TSSK3: variants seen among roughly 807,000 people sequenced by gnomAD.
The protein encoded by TSSK3 is testis specific serine kinase 3.
Under a neutral mutation model 18.9 loss-of-function variants are expected in TSSK3, and 16 were observed. The ratio of observed to expected loss-of-function variants is 0.85; its 90% CI spans 0.57 to 1.28. TSSK3 has a LOEUF of 1.28. Among genes scored for constraint, TSSK3 ranks in the 50% most tolerant of loss-of-function variants. TSSK3 has a pLI of 0.00. For missense variants in TSSK3, 345 were observed against 341.0 expected (o/e 1.01, Z -0.09); for synonymous variants, 146 against 133.9 (o/e 1.09, Z -0.62).
chr1:32,363,197 AAAGG>A, intron 1 of TSSK3: 1 of 334,366 alleles, frequency 3.0e-6, no homozygotes, highest in Non-Finnish European at 5.5e-6. Flanking sequence ...GAGATGGGAA[AAAGG>A]AAGACAGGGC....
Position 32,363,916 on chromosome 1 carries a change from A to AG in TSSK3, c.469dup (p.Val157GlyfsTer32), listed in dbSNP as rs1416087826. 6.2e-7 allele frequency: 1 copy of AG among 1,614,216 alleles called. No individual in the cohort carries two copies. The highest frequency in any genetic ancestry group is 2.2e-5 in the East Asian group (1 of 44,874). ...AAGCTGACTGACTTTGGCTTTGCCA[A>AG]GGTGTTGCCCAAGTCACACCGGGAG... On this transcript the variant is annotated frameshift_variant, in exon 2 of 2. Transcript: ENST00000373534. LOFTEE classifies it high-confidence loss of function.
In TSSK3 at chr1:32,363,702, T is replaced by G; in HGVS notation, c.253T>G (p.Cys85Gly). The change falls in exon 2 of 2, where the codon TGC becomes GGC. Residue 85 changes from cysteine (C) to glycine (G), a missense_variant. Coordinates refer to ENST00000373534, the MANE Select transcript of TSSK3 (RefSeq NM_052841.4). The stretch of plus-strand genomic sequence containing the variant: ...GCTGGAGTCTGCCGACGGGAAAATC[T>G]GCCTGGTGATGGAGCTCGCTGAGGG... ...EMLESADGKI[C>G]LVMELAEGGD... 1.2e-6 allele frequency: 2 copies of G among 1,613,608 alleles called. No individual in the cohort carries two copies. Among genetic ancestry groups the G allele is most frequent in the Non-Finnish European group, 1.7e-6 (2 of 1,179,788 alleles).
chr1:32,362,944 C>A, intron 1 of TSSK3, 98 bp downstream of exon 1: 1 of 1,459,020 alleles, frequency 6.9e-7, no homozygotes, highest in Non-Finnish European at 9.5e-7. Flanking sequence ...TCATTCCCTG[C>A]TCCCGCTGGC....
In TSSK3 at chr1:32,364,195, A is replaced by G. The variant is rs764033457; in HGVS notation, c.746A>G (p.Asp249Gly). Residue 249 changes from aspartate to glycine, a missense_variant, in exon 2 of 2, where the codon GAT becomes GGT. Asp to Gly is a moderately conservative substitution (Grantham distance 94, BLOSUM62 -1). Transcript: ENST00000373534. Reference protein sequence around the residue: ...QDLLKRLLEPDMILRPSIEEV... With the variant: ...QDLLKRLLEPGMILRPSIEEV... ...CTGCTCAAGAGGCTCCTGGAACCCGATATGATCCTCCGGCCTTCAATTGAA... is the reference window on the plus strand; with the variant it reads ...CTGCTCAAGAGGCTCCTGGAACCCGGTATGATCCTCCGGCCTTCAATTGAA... The G allele has an allele frequency of 4.3e-6, 7 of 1,612,816 alleles. No individual in the cohort carries two copies. Among genetic ancestry groups the G allele is most frequent in the Non-Finnish European group, 5.1e-6 (6 of 1,179,048 alleles).
chr1:32,363,837 G>A lies in TSSK3; in HGVS notation c.388G>A (p.Val130Met), dbSNP rs1300257718. 3 of 1,614,092 alleles carry A rather than the reference G, an allele frequency of 1.9e-6. No individual in the cohort carries two copies. The highest frequency in any genetic ancestry group is 1.3e-5 in the African/African-American group (1 of 74,942). ...CATCCGCTACTGCCATGGCTGTGGTGTGGCCCACCGGGACCTCAAATGTGA... is the reference window on the plus strand; with the variant it reads ...CATCCGCTACTGCCATGGCTGTGGTATGGCCCACCGGGACCTCAAATGTGA... ...EAIRYCHGCG[V>M]AHRDLKCENA... Residue 130 changes from valine (V) to methionine (M), a missense_variant, in exon 2 of 2, where the codon GTG becomes ATG. Transcript: ENST00000373534.
In TSSK3 at chr1:32,364,242, C is replaced by T. The variant is rs891380895; in HGVS notation, c.793C>T (p.Leu265=). Residue 265 remains leucine, a synonymous_variant, in exon 2 of 2, where the codon CTA becomes TTA. Transcript: ENST00000373534. ...SIEEVSWHPW[L]AST ...TGAAGAAGTTAGTTGGCATCCATGG[C>T]TAGCAAGCACTTGATAAAAGCAATG... The T allele has an allele frequency of 1.3e-6, 2 of 1,595,482 alleles. No individual in the cohort carries two copies. The highest frequency in any genetic ancestry group is 3.4e-5 in the Admixed American group (2 of 59,388).
chr1:32,362,888 T>C (rs758750061), intron 1 of TSSK3, 42 bp downstream of exon 1: 2 of 1,607,610 alleles, frequency 1.2e-6, no homozygotes, highest in South Asian at 2.2e-5. Flanking sequence ...GAGGACTGGC[T>C]GAGGTGGGTG....
Position 32,363,680 on chromosome 1 carries a change from G to A in TSSK3, c.231G>A (p.Leu77=), listed in dbSNP as rs2270537. ...ACATCATCCAGGTGTATGAGATGCT[G>A]GAGTCTGCCGACGGGAAAATCTGCC... ...HKNIIQVYEM[L]ESADGKICLV... The change falls in exon 2 of 2, where the codon CTG becomes CTA. Residue 77 remains leucine (L), a synonymous_variant. Transcript: ENST00000373534. 9,744 of 1,614,208 alleles carry A rather than the reference G, an allele frequency of 6.0e-3. 642 individuals carry two copies. In the East Asian group the frequency reaches 0.16, roughly 27 times the overall value.
Position 32,363,767 on chromosome 1 carries a change from G to A in TSSK3, c.318G>A (p.Leu106=), listed in dbSNP as rs1641756447. 3 of 1,614,238 alleles carry A rather than the reference G, an allele frequency of 1.9e-6. No homozygotes were observed. Among genetic ancestry groups the A allele is most frequent in the Non-Finnish European group, 8.5e-7 (1 of 1,180,036 alleles). Residue 106 remains leucine, a synonymous_variant, in exon 2 of 2, where the codon CTG becomes CTA. Transcript: ENST00000373534. ...ACTGCGTGCTGAATGGGGGGCCACT[G>A]CCTGAAAGCCGGGCCAAGGCCCTCT... ...VFDCVLNGGP[L]PESRAKALFR...
rs2148096542 is a variant in TSSK3 at position 32,362,864 on chromosome 1, TGGAGGGAA to T, written c.145+26_145+33del. On this transcript the variant is annotated intron_variant, in intron 1 of 1. Coordinates refer to ENST00000373534, the MANE Select transcript of TSSK3 (RefSeq NM_052841.4). ...GCCAGAAGGTGAGCCGGGGCCCCTTTGGAGGGAAGGAGGGAGGACTGGCTGAGGTGGGT... is the reference window on the plus strand; with the variant it reads ...GCCAGAAGGTGAGCCGGGGCCCCTTTGGAGGGAGGACTGGCTGAGGTGGGT... 1 of 1,613,608 alleles carries T rather than the reference TGGAGGGAA, an allele frequency of 6.2e-7. No individual in the cohort carries two copies. The highest frequency in any genetic ancestry group is 2.2e-5 in the East Asian group (1 of 44,876).
chr1:32,364,274 G>T lies in TSSK3; in HGVS notation c.*18G>T. The T allele has an allele frequency of 6.4e-7, 1 of 1,570,506 alleles. No homozygotes were observed. On this transcript the variant is annotated 3_prime_UTR_variant, in exon 2 of 2. Transcript: ENST00000373534. ...GCACTTGATAAAAGCAATGGCAAGTGCTCTCCAATAAAGTAGGGGGAGAAA... is the reference window on the plus strand; with the variant it reads ...GCACTTGATAAAAGCAATGGCAAGTTCTCTCCAATAAAGTAGGGGGAGAAA...
At chr1:32,363,362 A>G (rs959800031) in intron 1 of TSSK3, 16 of 554,920 alleles carry the variant, frequency 2.9e-5, no homozygotes, top group African/African-American at 2.6e-4. Context: ...ACTGCTCACA[A>G]CAGTCCACAA....
At chr1:32,363,538 TGAG>T (rs1641749845) in intron 1 of TSSK3, 54 bp from the exon 2 acceptor site, 1 of 1,531,008 alleles carries the variant, frequency 6.5e-7, no homozygotes, top group East Asian at 2.3e-5. Flanking sequence ...GAGACAGGTG[TGAG>T]GAGGTGGGCC....
intron 1 of TSSK3, 154 bp downstream of exon 1, chr1:32,363,000 G>T: frequency 1.2e-6 from 1 of 801,398 alleles, no homozygotes; most frequent in South Asian, 1.6e-5. Flanking sequence ...GGGTCAGTGG[G>T]GAACAGAGGG....
chr1:32,363,774 A>C lies in TSSK3; in HGVS notation c.325A>C (p.Ser109Arg), dbSNP rs1393168743. The C allele has an allele frequency of 6.2e-7, 1 of 1,614,232 alleles. No individual in the cohort carries two copies. The highest frequency in any genetic ancestry group is 1.7e-5 in the Admixed American group (1 of 60,030). Residue 109 changes from serine to arginine, a missense_variant, in exon 2 of 2, where the codon AGC becomes CGC. Physicochemically the swap from Ser to Arg is moderately radical, Grantham distance 110. Coordinates refer to ENST00000373534, the MANE Select transcript of TSSK3 (RefSeq NM_052841.4). ...GCTGAATGGGGGGCCACTGCCTGAAAGCCGGGCCAAGGCCCTCTTCCGTCA... is the reference window on the plus strand; with the variant it reads ...GCTGAATGGGGGGCCACTGCCTGAACGCCGGGCCAAGGCCCTCTTCCGTCA... ...CVLNGGPLPE[S>R]RAKALFRQMV...
rs758166863 is a variant in TSSK3 at position 32,363,844 on chromosome 1, A to C, written c.395A>C (p.His132Pro). 7 of 1,614,184 alleles carry C rather than the reference A, an allele frequency of 4.3e-6. No individual in the cohort carries two copies. The Admixed American group carries it at 1.2e-4, about 27-fold the overall frequency. The change falls in exon 2 of 2, where the codon CAC (histidine) becomes CCC (proline). Residue 132 changes from histidine (H) to proline (P), a missense_variant. Coordinates refer to ENST00000373534, the MANE Select transcript of TSSK3 (RefSeq NM_052841.4). ...IRYCHGCGVA[H>P]RDLKCENALL... ...TACTGCCATGGCTGTGGTGTGGCCC[A>C]CCGGGACCTCAAATGTGAGAACGCC... is the stretch of plus-strand genomic sequence containing the variant.
rs1491389513 is a variant in TSSK3, at chr1:32,362,820, TTA to T, written c.122_123del (p.Ile41ArgfsTer34). 1 of 1,613,872 alleles carries T rather than the reference TTA, an allele frequency of 6.2e-7. No individual in the cohort carries two copies. The highest frequency in any genetic ancestry group is 1.3e-5 in the African/African-American group (1 of 74,842). ...CACCAAAGAAAAGTGGCAATTAAAG[TTA>T]TAGACAAGATGGGAGGGCCAGAAGG... On this transcript the variant is annotated frameshift_variant, in exon 1 of 2. Transcript: ENST00000373534. LOFTEE classifies it high-confidence loss of function.
At chr1:32,363,406 C>G (rs760267059) in intron 1 of TSSK3, 189 bp from the exon 2 acceptor site, 5 of 622,998 alleles carry the variant, frequency 8.0e-6, no homozygotes, top group Non-Finnish European at 1.4e-5. Flanking sequence ...GAATGATATA[C>G]TAACGACAAA....
chr1:32,363,400 G>A (rs775169122), intron 1 of TSSK3, 195 bp from the exon 2 acceptor site: 206 of 608,148 alleles, frequency 3.4e-4, no homozygotes, highest in Middle Eastern at 1.8e-3. Context: ...TCTTTTGAAT[G>A]ATATACTAAC....
Sources: gnomAD v4.1 joint callset for allele counts on GRCh38, gnomAD v4.1.1 for gene constraint, MANE v1.5 for transcripts, NCBI Gene and HGNC (gene_info 2026-07-23, HGNC 2026-07-21) for gene names.